The following SLC8A1 variants were observed in gnomAD, a reference collection of about 807,000 sequenced individuals.
The protein encoded by SLC8A1 is sodium/calcium exchanger 1.
In SLC8A1, 18 loss-of-function variants were observed where a neutral mutation model predicts 68.3. The observed-to-expected ratio is 0.26, with a 90% CI of 0.18 to 0.39. The LOEUF (loss-of-function observed/expected upper bound fraction) is 0.39, where lower values mean the gene tolerates loss of function less well. Ranked by LOEUF, SLC8A1 falls within the 10% of genes least tolerant of loss-of-function variation. The probability of loss-of-function intolerance (pLI) is 1.00; values close to 1 mark genes in which losing one functional copy is unlikely to be tolerated. For synonymous variants in SLC8A1, 475 were observed against 415.5 expected, an observed-to-expected ratio of 1.14 and a Z score of -1.74; for missense variants, 985 against 1,156.7, an observed-to-expected ratio of 0.85 and a Z score of 2.15.
Position 40,341,218 on chromosome 2 carries a change from G to A in SLC8A1, c.1808+87255C>T, listed in dbSNP as rs559523459. On this transcript the variant is annotated intron_variant, in intron 2 of 7. Coordinates refer to ENST00000406785, the Ensembl canonical transcript of SLC8A1. ...GTGAGACTGAAAATTAGTTGGCTTC[G>A]TGAAACAAGTCAATTCATCTTCAGA... Among the ~76,000 whole-genome samples the A allele has an allele frequency of 5.3e-5, 8 of 152,160 alleles. No individual in the cohort carries two copies. The East Asian group carries it at 1.2e-3, about 22-fold the overall frequency.
intron 3 of SLC8A1, among the ~76,000 whole-genome samples, chr2:40,176,985 C>A (rs1288964462): frequency 1.3e-5 from 2 of 152,008 alleles, no homozygotes; most frequent in Non-Finnish European, 2.9e-5. Flanking sequence ...GAAATATATG[C>A]CATATATTAA....
chr2:40,180,204 T>C (rs562794731), intron 2 of SLC8A1, among the ~76,000 whole-genome samples: 37 of 142,678 alleles, frequency 2.6e-4, no homozygotes, highest in Non-Finnish European at 4.6e-4. Flanking sequence ...CCTTCCTGAC[T>C]TTTAGAATTA....
chr2:40,445,879 G>C (rs374393394), intron 1 of SLC8A1, among the ~76,000 whole-genome samples: 8 of 152,166 alleles, frequency 5.3e-5, no homozygotes, highest in African/African-American at 1.9e-4. Context: ...TCTCCAAACT[G>C]TCTGATGCCA....
At chr2:40,248,277 T>C (rs1341054313) in intron 2 of SLC8A1, among the ~76,000 whole-genome samples, 1 of 142,718 alleles carries the variant, frequency 7.0e-6, no homozygotes, top group Non-Finnish European at 1.5e-5. Context: ...TGAATGTTTA[T>C]GTTTTCCCAA....
chr2:40,119,173 C>T (rs894539047), intron 7 of SLC8A1, among the ~76,000 whole-genome samples: 39 of 152,102 alleles, frequency 2.6e-4, no homozygotes, highest in African/African-American at 9.4e-4. Context: ...TTCCTATTTT[C>T]AAATGTCTTT....
chr2:40,259,062 G>A (rs2149085561), intron 2 of SLC8A1, among the ~76,000 whole-genome samples: 1 of 152,254 alleles, frequency 6.6e-6, no homozygotes, highest in African/African-American at 2.4e-5. Flanking sequence ...CAGGTGTGAG[G>A]GTGTGAGGTG....
intron 7 of SLC8A1, among the ~76,000 whole-genome samples, chr2:40,121,663 A>G (rs774714352): frequency 6.6e-6 from 1 of 152,160 alleles, no homozygotes; most frequent in Non-Finnish European, 1.5e-5. Flanking sequence ...GAAATGAGTT[A>G]ACATGAATAG....
chr2:40,357,497 TAAAAAA>T (rs71406059), intron 2 of SLC8A1, among the ~76,000 whole-genome samples: 5 of 115,520 alleles, frequency 4.3e-5, no homozygotes, highest in South Asian at 5.9e-4. Context: ...ACCCTGTCTT[TAAAAAA>T]AAAAAAAAAA....
chr2:40,305,211 TGTGAAGCA>T (rs1481817557), intron 2 of SLC8A1, among the ~76,000 whole-genome samples: 4 of 152,168 alleles, frequency 2.6e-5, no homozygotes, highest in Admixed American at 2.0e-4. Context: ...CTTCTAGTGG[TGTGAAGCA>T]GTGAAGACAG....
At chr2:40,479,619 G>A (rs1359047529) in intron 1 of SLC8A1, among the ~76,000 whole-genome samples, 2 of 152,064 alleles carry the variant, frequency 1.3e-5, no homozygotes, top group African/African-American at 4.8e-5. Context: ...AATATTTCAG[G>A]GGTGGTAAGT....
rs372043646 is a variant in SLC8A1, at chr2:40,394,149, C to T, written c.1808+34324G>A. On this transcript the variant is annotated intron_variant, in intron 2 of 7. Coordinates refer to ENST00000406785, the Ensembl canonical transcript of SLC8A1. ...AGAATGACCTGGGCTAAAATGTCAA[C>T]GGAGCTTAAAAAAAGGTTACTAGTC... Among the ~76,000 whole-genome samples the T allele has an allele frequency of 9.9e-5, 15 of 152,022 alleles. No individual in the cohort carries two copies. In the East Asian group the frequency reaches 1.2e-3, roughly 12 times the overall value.
At chr2:40,273,212 A>T (rs1168370030) in intron 2 of SLC8A1, among the ~76,000 whole-genome samples, 2 of 150,286 alleles carry the variant, frequency 1.3e-5, no homozygotes, top group East Asian at 3.9e-4. Flanking sequence ...AAGTGCTGGG[A>T]TTACAGGCAT....
At position 40,295,315 on chromosome 2, in the gene SLC8A1, C is replaced by G. The variant is rs368758807; in HGVS notation, c.1809-117460G>C. ...CCTGGGTCTTGCTATGTTTCCCAGG[C>G]TAGTTTCAAACTCCTGGGCTCAACA... On this transcript the variant is annotated intron_variant, in intron 2 of 7. Transcript: ENST00000406785. 5.9e-5 allele frequency among the ~76,000 whole-genome samples: 9 copies of G among 151,940 alleles called. No homozygotes were observed. In the South Asian group the frequency reaches 6.2e-4, roughly 11 times the overall value.
chr2:40,455,420 C>T (rs543917915), upstream of SLC8A1, among the ~76,000 whole-genome samples: 5 of 152,176 alleles, frequency 3.3e-5, no homozygotes, highest in Non-Finnish European at 7.4e-5. Flanking sequence ...TCCATTGCTT[C>T]GGGCTTCTGA....
upstream of SLC8A1, among the ~76,000 whole-genome samples, chr2:40,455,860 A>T (rs1319208515): frequency 6.6e-6 from 1 of 152,220 alleles, no homozygotes; most frequent in Non-Finnish European, 1.5e-5. Flanking sequence ...ACTGCACAAC[A>T]GTCCACAGAC....
chr2:40,358,472 G>A (rs1673461467), intron 2 of SLC8A1, among the ~76,000 whole-genome samples: 1 of 152,144 alleles, frequency 6.6e-6, no homozygotes, highest in Admixed American at 6.5e-5. Flanking sequence ...TTGTTTTTTA[G>A]TTCATTGAAG....
At chr2:40,146,444 G>A (rs1030740072) in intron 6 of SLC8A1, among the ~76,000 whole-genome samples, 3 of 152,094 alleles carry the variant, frequency 2.0e-5, no homozygotes, top group Non-Finnish European at 2.9e-5. Flanking sequence ...CTAGGCCAGT[G>A]GTCTCCAAAC....
At chr2:40,203,411 G>C (rs745491116) in intron 2 of SLC8A1, among the ~76,000 whole-genome samples, 1 of 151,952 alleles carries the variant, frequency 6.6e-6, no homozygotes, top group Non-Finnish European at 1.5e-5. Context: ...TAATATTGGT[G>C]CTTTCCATTT....
rs570994931 is a variant in SLC8A1 at position 40,263,926 on chromosome 2, C to G, written c.1809-86071G>C. Among the ~76,000 whole-genome samples, 85 of 152,064 alleles carry G rather than the reference C, an allele frequency of 5.6e-4. No homozygotes were observed. In the South Asian group the frequency reaches 7.7e-3, roughly 14 times the overall value. On this transcript the variant is annotated intron_variant, in intron 2 of 7. Coordinates refer to ENST00000406785, the Ensembl canonical transcript of SLC8A1. ...AGTGAACAGGCAACCTACAGAATGG[C>G]AGAAAATTTTCACAACCTACTCATC...
Sources: gnomAD v4.1 joint callset for allele counts (sites outside exome capture counted in the v4.1 genomes callset) on GRCh38, gnomAD v4.1.1 for gene constraint, MANE v1.5 for transcripts, NCBI Gene and HGNC (gene_info 2026-07-23, HGNC 2026-07-21) for gene names.